HDAC11: variants seen among roughly 807,000 people sequenced by gnomAD.
HDAC11 encodes histone deacetylase 11.
HDAC11 carries 23 observed loss-of-function variants against 41.1 expected under a neutral mutation model. The ratio of observed to expected loss-of-function variants is 0.56; its 90% confidence interval spans 0.40 to 0.79. The LOEUF is 0.79. Ranked by LOEUF, HDAC11 falls within the 30% of genes least tolerant of loss-of-function variation. The probability of loss-of-function intolerance (pLI) is 0.00; values close to 1 mark genes in which losing one functional copy is unlikely to be tolerated. For missense variants in HDAC11, 402 were observed against 477.3 expected, an observed-to-expected ratio of 0.84 and a Z score of 1.47; for synonymous variants, 187 against 186.6, an observed-to-expected ratio of 1.00 and a Z score of -0.02.
At chr3:13,495,772 C>T (rs988866067) in intron 3 of HDAC11, among the ~76,000 whole-genome samples, 6 of 152,208 alleles carry the variant, frequency 3.9e-5, no homozygotes, top group African/African-American at 1.4e-4. Flanking sequence ...CCCACAGATA[C>T]CTTTTTCCCT....
At chr3:13,492,001 T>C (rs573736627) in intron 3 of HDAC11, among the ~76,000 whole-genome samples, 1 of 152,348 alleles carries the variant, frequency 6.6e-6, no homozygotes, top group East Asian at 1.9e-4. Context: ...TAATACATTC[T>C]CAAGTGTTGT....
In HDAC11 at chr3:13,481,412, T is replaced by A; in HGVS notation, c.151+18T>A. The A allele has an allele frequency of 6.2e-7, 1 of 1,613,168 alleles. No homozygotes were observed. Among genetic ancestry groups the A allele is most frequent in the East Asian group, 2.2e-5 (1 of 44,886 alleles). On this transcript the variant is annotated intron_variant, in intron 2 of 9. Transcript: ENST00000295757. ...CCTAAAAGGTATGGAAGGTCCCCCT[T>A]GGACTCTCATCTGCTTCCTCCAACC...
rs542470919 is a variant in HDAC11, at chr3:13,488,290, C to T, written c.252+4726C>T. Among the ~76,000 whole-genome samples the T allele has an allele frequency of 2.0e-5, 3 of 152,238 alleles. No homozygotes were observed. The East Asian group carries it at 5.8e-4, about 29-fold the overall frequency. ...GGTAAAATTTACATAACAAAATTCG[C>T]CATTAACCACTTTAAACTGTACAGT... On this transcript the variant is annotated intron_variant, in intron 3 of 9. Coordinates refer to ENST00000295757, the MANE Select transcript of HDAC11 (RefSeq NM_024827.4).
At chr3:13,481,465 A>G (rs1701316389) in intron 2 of HDAC11, 71 bp downstream of exon 2, 15 of 1,551,824 alleles carry the variant, frequency 9.7e-6, no homozygotes, top group Non-Finnish European at 1.3e-5. Context: ...CTCATCCCCA[A>G]CATAAGCCTC....
intron 2 of HDAC11, among the ~76,000 whole-genome samples, chr3:13,482,894 G>C (rs967104778): frequency 6.6e-6 from 1 of 152,080 alleles, no homozygotes; most frequent in African/African-American, 2.4e-5. Context: ...AACCTCCCTG[G>C]CTTAAGTGAT....
intron 3 of HDAC11, among the ~76,000 whole-genome samples, chr3:13,485,170 C>A (rs1701501110): frequency 6.6e-6 from 1 of 152,260 alleles, no homozygotes; most frequent in African/African-American, 2.4e-5. Flanking sequence ...GGTTCCCAGT[C>A]AGGGCTGCTG....
At chr3:13,489,130 C>CT (rs1266055227) in intron 3 of HDAC11, among the ~76,000 whole-genome samples, 6 of 152,008 alleles carry the variant, frequency 3.9e-5, no homozygotes, top group Non-Finnish European at 5.9e-5. Context: ...TTGTAGGGTT[C>CT]TTTATATATT....
At chr3:13,500,622 A>G in intron 5 of HDAC11, 91 bp from the exon 6 acceptor site, 1 of 1,021,146 alleles carries the variant, frequency 9.8e-7, no homozygotes, top group Non-Finnish European at 1.5e-6. Context: ...CTGAGCAGGG[A>G]GGATGCTGGG....
Position 13,488,463 on chromosome 3 carries a change from TTCTC to T in HDAC11, c.252+4905_252+4908del, listed in dbSNP as rs370771444. Among the ~76,000 whole-genome samples, 802 of 152,282 alleles carry T rather than the reference TTCTC, an allele frequency of 5.3e-3. 11 individuals carry two copies. The highest frequency in any genetic ancestry group is 0.018 in the African/African-American group (761 of 41,554). ...TCCCCTTGGTAATCACTCACCTGCA[TTCTC>T]TCTCTATGGATTTGCCTATCCTGGA... On this transcript the variant is annotated intron_variant, in intron 3 of 9. Coordinates refer to ENST00000295757, the MANE Select transcript of HDAC11 (RefSeq NM_024827.4).
At chr3:13,496,896 C>G (rs764991954) in intron 4 of HDAC11, 44 bp downstream of exon 4, 1 of 1,092,648 alleles carries the variant, frequency 9.2e-7, no homozygotes, top group Non-Finnish European at 1.3e-6. Context: ...GGCCCCCACA[C>G]CCCAGGGTCC....
Position 13,505,012 on chromosome 3 carries a change from TG to T in HDAC11, c.*333del, listed in dbSNP as rs1465524971. 1 of 372,902 alleles carries T rather than the reference TG, an allele frequency of 2.7e-6. No individual in the cohort carries two copies. Among genetic ancestry groups the T allele is most frequent in the Non-Finnish European group, 5.0e-6 (1 of 199,320 alleles). The allele number at this position is 372,902 out of a possible 1,614,324, so 23.1% of individuals were successfully genotyped here. On this transcript the variant is annotated 3_prime_UTR_variant, in exon 10 of 10. Coordinates refer to ENST00000295757, the MANE Select transcript of HDAC11 (RefSeq NM_024827.4). ...CCAGGCACAGCGAGGGCCCTGGGCT[TG>T]GGGTGTTCTGGTTTTGAGAACGGCA...
At chr3:13,490,744 C>CTTTTTT (rs59531656) in intron 3 of HDAC11, among the ~76,000 whole-genome samples, 1 of 41,404 alleles carries the variant, frequency 2.4e-5, no homozygotes, top group African/African-American at 1.0e-4. Flanking sequence ...GCATTTTTTT[C>CTTTTTT]TTTTTTTTTT....
intron 3 of HDAC11, among the ~76,000 whole-genome samples, chr3:13,486,571 G>T (rs1021000288): frequency 1.7e-3 from 143 of 83,062 alleles, no homozygotes; most frequent in African/African-American, 6.6e-3. Flanking sequence ...ATGTAGAGGT[G>T]TTTTTTTTTT....
intron 3 of HDAC11, among the ~76,000 whole-genome samples, chr3:13,496,023 G>T (rs1702080603): frequency 6.6e-6 from 1 of 152,224 alleles, no homozygotes; most frequent in African/African-American, 2.4e-5. Context: ...GCGTGGGTGG[G>T]GAGCAGGGAT....
At chr3:13,499,573 TA>T (rs1190459201) in intron 5 of HDAC11, among the ~76,000 whole-genome samples, 4 of 152,138 alleles carry the variant, frequency 2.6e-5, no homozygotes, top group Non-Finnish European at 5.9e-5. Context: ...TGTAGAGCCC[TA>T]AAGCAGGGTC....
intron 3 of HDAC11, among the ~76,000 whole-genome samples, chr3:13,483,877 T>TC (rs780127765): frequency 7.2e-5 from 11 of 152,182 alleles, no homozygotes; most frequent in Non-Finnish European, 1.5e-4. Context: ...TCGACACGCC[T>TC]CCGAGACCCC....
chr3:13,488,549 C>T (rs1701701819), intron 3 of HDAC11, among the ~76,000 whole-genome samples: 1 of 152,250 alleles, frequency 6.6e-6, no homozygotes. Context: ...GCTTATCTCA[C>T]TAAGCACAGC....
intron 6 of HDAC11, chr3:13,501,523 C>A: frequency 4.2e-6 from 2 of 478,026 alleles, no homozygotes; most frequent in South Asian, 3.6e-5. Context: ...GGACTGAAGT[C>A]CCAGGGCTGT....
Position 13,480,752 on chromosome 3 carries a change from C to A in HDAC11, c.2+403C>A. ...AGCAGCGCAGCGGGGTCAGGGGATC[C>A]CCGCCCCCCGCCCTGGCTCAGGTTG... On this transcript the variant is annotated intron_variant, in intron 1 of 9. Coordinates refer to ENST00000295757, the MANE Select transcript of HDAC11 (RefSeq NM_024827.4). The surrounding 1 kb of genome is among the most constrained non-coding windows in gnomAD (Gnocchi z 4.6). The A allele has an allele frequency of 4.2e-6, 2 of 472,860 alleles. No homozygotes were observed. The highest frequency in any genetic ancestry group is 4.3e-6 in the Non-Finnish European group (1 of 230,428). The allele number at this position is 472,860 out of a possible 1,614,324, so 29.3% of individuals were successfully genotyped here. A position where few individuals can be genotyped will look rare whatever the true frequency, so the allele number is the denominator to read the frequency against.
Sources: allele counts gnomAD v4.1 joint callset (sites outside exome capture counted in the v4.1 genomes callset), GRCh38; gene constraint gnomAD v4.1.1; non-coding constraint Gnocchi (gnomAD v3.1); transcripts MANE v1.5; gene names NCBI Gene and HGNC (gene_info 2026-07-23, HGNC 2026-07-21).